The following AKAP13 variants were observed in gnomAD, a reference collection of about 807,000 sequenced individuals.
AKAP13 encodes A-kinase anchoring protein 13, also known as A-kinase anchor protein 13.
Under a neutral mutation model 264.5 loss-of-function variants are expected in AKAP13, and 80 were observed. The ratio of observed to expected loss-of-function variants is 0.30; its 90% CI spans 0.25 to 0.36. The LOEUF is 0.36. AKAP13 is among the 10% of genes least tolerant of loss of function. The pLI is 1.00. For missense variants in AKAP13, 3,712 were observed against 3,435.2 expected (o/e 1.08, Z -2.01); for synonymous variants, 1,380 against 1,250.2 (o/e 1.10, Z -2.19).
In AKAP13 at chr15:85,582,077, T is replaced by C. The variant is rs1428199229; in HGVS notation, c.4009T>C (p.Leu1337=). The C allele has an allele frequency of 6.2e-7, 1 of 1,611,474 alleles. No individual in the cohort carries two copies. The highest frequency in any genetic ancestry group is 8.5e-7 in the Non-Finnish European group (1 of 1,178,864). ...AGREEPEKII[L]PVQGPEPAAE... ...AAGGGAGGAGCCAGAGAAGATCATT[T>C]TACCTGTCCAGGGGCCTGAGCCAGC... is the stretch of plus-strand genomic sequence containing the variant. The change falls in exon 7 of 37, where the codon TTA becomes CTA. Residue 1337 remains leucine (L), a synonymous_variant. Transcript: ENST00000394518.
At chr15:85,479,861 T>A (rs2151042114) in intron 1 of AKAP13, among the ~76,000 whole-genome samples, 1 of 152,346 alleles carries the variant, frequency 6.6e-6, no homozygotes, top group Admixed American at 6.5e-5. Flanking sequence ...TTGATTGATG[T>A]TAATGTACAT....
intron 4 of AKAP13, among the ~76,000 whole-genome samples, chr15:85,541,839 A>T (rs2077589843): frequency 6.6e-6 from 1 of 152,238 alleles, no homozygotes; most frequent in Non-Finnish European, 1.5e-5. Flanking sequence ...ACAAAAGCAG[A>T]TGTGGTACCA....
chr15:85,740,329 G>T, intron 34 of AKAP13, 57 bp downstream of exon 34: 1 of 1,586,190 alleles, frequency 6.3e-7, no homozygotes, highest in South Asian at 1.1e-5. Flanking sequence ...AGCAGCTTGG[G>T]GCTGTTGTTG....
At chr15:85,740,774 C>CG (rs2088908200) in intron 34 of AKAP13, among the ~76,000 whole-genome samples, 1 of 60,196 alleles carries the variant, frequency 1.7e-5, no homozygotes, top group African/African-American at 5.4e-5. Flanking sequence ...CACACACAAC[C>CG]ACCCCCCCCC....
At chr15:85,400,679 G>A (rs974471273) in intron 1 of AKAP13, among the ~76,000 whole-genome samples, 4 of 152,028 alleles carry the variant, frequency 2.6e-5, no homozygotes, top group Non-Finnish European at 2.9e-5. Flanking sequence ...GGAAGAACTA[G>A]TTGTATAGGA....
At chr15:85,411,386 G>C (rs968986552) in intron 1 of AKAP13, among the ~76,000 whole-genome samples, 1 of 152,128 alleles carries the variant, frequency 6.6e-6, no homozygotes, top group Non-Finnish European at 1.5e-5. Context: ...GCACGTGGAA[G>C]TATTGTGGTT....
At chr15:85,611,859 T>C in intron 8 of AKAP13, among the ~76,000 whole-genome samples, 1 of 152,268 alleles carries the variant, frequency 6.6e-6, no homozygotes, top group South Asian at 2.1e-4. Flanking sequence ...CTAGCTTTCC[T>C]TGCCTGCCTC....
intron 5 of AKAP13, among the ~76,000 whole-genome samples, chr15:85,568,964 C>G (rs1257375442): frequency 6.6e-6 from 1 of 152,114 alleles, no homozygotes; most frequent in Admixed American, 6.5e-5. Flanking sequence ...AAAGTCTGAA[C>G]TAGACCAGTG....
intron 8 of AKAP13, among the ~76,000 whole-genome samples, chr15:85,636,127 CAT>C (rs2082061805): frequency 6.6e-6 from 1 of 152,178 alleles, no homozygotes; most frequent in Non-Finnish European, 1.5e-5. Context: ...GAGTCTTACT[CAT>C]ATTTTCTTAA....
intron 1 of AKAP13, among the ~76,000 whole-genome samples, chr15:85,463,443 G>A (rs16940052): frequency 0.54 from 81,995 of 151,850 alleles, 22,849 homozygotes; most frequent in Admixed American, 0.64. Flanking sequence ...TTCAGTTGCT[G>A]TAGTGTTTCT....
chr15:85,530,826 T>C (rs1246233767), intron 3 of AKAP13, among the ~76,000 whole-genome samples: 1 of 152,166 alleles, frequency 6.6e-6, no homozygotes. Context: ...TAAGTGAGGC[T>C]ATATATGGTG....
At chr15:85,720,667 T>TA (rs2087226857) in intron 23 of AKAP13, among the ~76,000 whole-genome samples, 1 of 152,190 alleles carries the variant, frequency 6.6e-6, no homozygotes, top group South Asian at 2.1e-4. Flanking sequence ...TTTGGGCAAA[T>TA]ATCTGCTGCT....
intron 14 of AKAP13, among the ~76,000 whole-genome samples, chr15:85,678,527 C>G (rs1481520874): frequency 6.6e-6 from 1 of 152,158 alleles, no homozygotes; most frequent in African/African-American, 2.4e-5. Context: ...TCCACTCTAA[C>G]TTTGGGTATT....
chr15:85,718,082 C>T lies in AKAP13; in HGVS notation c.5924C>T (p.Ser1975Phe). Residue 1975 changes from serine to phenylalanine, a missense_variant, in exon 22 of 37, where the codon TCT becomes TTT. This residue lies in a region of AKAP13 where 2,759 missense variants were observed against 2,411.7 expected (regional missense o/e 1.14). Transcript: ENST00000394518. This position sits in a 1 kb window ranked among gnomAD's most constrained non-coding sequence, Gnocchi z 4.9. Reference protein sequence around the residue: ...EIESKQLEAESWSRIIDSKFL... With the variant: ...EIESKQLEAEFWSRIIDSKFL... The stretch of plus-strand genomic sequence containing the variant: ...GAGTCCAAACAGCTGGAAGCAGAGT[C>T]TTGGAGTCGGATAATAGACAGCAAG... The T allele has an allele frequency of 6.2e-7, 1 of 1,614,126 alleles. No individual in the cohort carries two copies. Among genetic ancestry groups the T allele is most frequent in the East Asian group, 2.2e-5 (1 of 44,866 alleles).
At chr15:85,540,067 T>A (rs1392408955) in intron 4 of AKAP13, among the ~76,000 whole-genome samples, 1 of 152,104 alleles carries the variant, frequency 6.6e-6, no homozygotes, top group Non-Finnish European at 1.5e-5. Flanking sequence ...AAATAATATG[T>A]TGAGATTTAT....
intron 1 of AKAP13, among the ~76,000 whole-genome samples, chr15:85,410,031 A>G (rs1002463799): frequency 2.0e-5 from 3 of 151,494 alleles, no homozygotes; most frequent in African/African-American, 7.3e-5. Flanking sequence ...AGTTTCCTCC[A>G]TTTTCCTTTA....
At chr15:85,593,610 G>T (rs115224018) in intron 8 of AKAP13, among the ~76,000 whole-genome samples, 194 of 151,530 alleles carry the variant, frequency 1.3e-3, no homozygotes, top group African/African-American at 4.4e-3. Flanking sequence ...GTTTTCCAAG[G>T]TGTTTTGTTC....
intron 3 of AKAP13, among the ~76,000 whole-genome samples, chr15:85,532,879 C>T (rs1406820370): frequency 6.6e-6 from 1 of 152,174 alleles, no homozygotes; most frequent in Non-Finnish European, 1.5e-5. Context: ...GGCATGTTTG[C>T]GTTTCCTGAA....
intron 2 of AKAP13, among the ~76,000 whole-genome samples, chr15:85,497,840 C>G (rs1456627717): frequency 1.3e-5 from 2 of 152,042 alleles, no homozygotes; most frequent in African/African-American, 4.8e-5. Context: ...AACTGGAGAT[C>G]TTTTGACCAG....
Sources: gnomAD v4.1 joint callset for allele counts (sites outside exome capture counted in the v4.1 genomes callset) on GRCh38, gnomAD v4.1.1 for gene constraint, gnomAD v4.1.1 regional missense constraint, Gnocchi (gnomAD v3.1) non-coding constraint, MANE v1.5 for transcripts, NCBI Gene and HGNC (gene_info 2026-07-23, HGNC 2026-07-21) for gene names.